DISP1: variants seen among roughly 807,000 people sequenced by gnomAD.
The protein encoded by DISP1 is dispatched RND transporter family member 1.
Under a neutral mutation model 37.3 loss-of-function variants are expected in DISP1, and 30 were observed. The observed-to-expected ratio is 0.80, with a 90% CI of 0.60 to 1.09. The LOEUF (loss-of-function observed/expected upper bound fraction) is 1.09, where lower values mean the gene tolerates loss of function less well. DISP1 is among the 50% of genes least tolerant of loss of function. The probability of loss-of-function intolerance (pLI) is 0.00; values close to 1 mark genes in which losing one functional copy is unlikely to be tolerated. For synonymous variants in DISP1, 634 were observed against 690.2 expected, an observed-to-expected ratio of 0.92 and a Z score of 1.28; for missense variants, 1,598 against 1,879.5, an observed-to-expected ratio of 0.85 and a Z score of 2.77.
chr1:222,985,238 G>A (rs775431346), intron 4 of DISP1, among the ~76,000 whole-genome samples: 1 of 152,188 alleles, frequency 6.6e-6, no homozygotes, highest in Non-Finnish European at 1.5e-5. Context: ...TTACGTACAT[G>A]TGCATATAAA....
At chr1:222,982,872 C>G (rs2926160) in intron 3 of DISP1, among the ~76,000 whole-genome samples, 1 of 152,042 alleles carries the variant, frequency 6.6e-6, no homozygotes, top group Non-Finnish European at 1.5e-5. Flanking sequence ...ACTAGCCACT[C>G]GAGCTGTCTC....
intron 1 of DISP1, among the ~76,000 whole-genome samples, chr1:222,913,743 C>CAA (rs144717372): frequency 8.3e-6 from 1 of 120,626 alleles, no homozygotes; most frequent in East Asian, 2.1e-4. Flanking sequence ...TACATCTCTA[C>CAA]AAAAAAAAGA....
intron 1 of DISP1, among the ~76,000 whole-genome samples, chr1:222,881,952 T>C (rs2125368269): frequency 6.6e-6 from 1 of 152,312 alleles, no homozygotes; most frequent in Middle Eastern, 3.4e-3. Context: ...TACCATTGCA[T>C]TGAATCGAAA....
intron 1 of DISP1, among the ~76,000 whole-genome samples, chr1:222,908,838 CTGATTAATTTTTAG>C (rs1213767362): frequency 6.6e-6 from 1 of 151,438 alleles, no homozygotes; most frequent in Non-Finnish European, 1.5e-5. Flanking sequence ...AGAAGATACC[CTGATTAATTTTTAG>C]TCTTTGACTC....
At chr1:222,974,852 T>C (rs1677200818) in intron 3 of DISP1, among the ~76,000 whole-genome samples, 2 of 152,182 alleles carry the variant, frequency 1.3e-5, no homozygotes, top group African/African-American at 2.4e-5. Context: ...TTTGTTTTTG[T>C]TGGGAATCTT....
At chr1:222,984,379 G>A (rs1678066775) in intron 4 of DISP1, among the ~76,000 whole-genome samples, 1 of 138,644 alleles carries the variant, frequency 7.2e-6, no homozygotes, top group Non-Finnish European at 1.5e-5. Flanking sequence ...ACTCAAGCCT[G>A]GGTGGCAGAG....
chr1:222,819,561 A>G (rs1474614162), intron 1 of DISP1, among the ~76,000 whole-genome samples: 2 of 131,830 alleles, frequency 1.5e-5, no homozygotes. Flanking sequence ...TTTTTTTGAC[A>G]CAGTGTCTCG....
chr1:222,875,151 C>G (rs71644715), intron 1 of DISP1, among the ~76,000 whole-genome samples: 1 of 151,894 alleles, frequency 6.6e-6, no homozygotes, highest in African/African-American at 2.4e-5. Context: ...TAGGTTGGGC[C>G]TTAAATTCAT....
chr1:222,964,231 G>A (rs1418054354), intron 3 of DISP1, among the ~76,000 whole-genome samples: 4 of 150,630 alleles, frequency 2.7e-5, no homozygotes, highest in Admixed American at 1.3e-4. Flanking sequence ...CCTGGGAGGC[G>A]GAGGTTGCAG....
intron 2 of DISP1, among the ~76,000 whole-genome samples, chr1:222,931,829 T>C (rs1177757347): frequency 6.6e-6 from 1 of 151,912 alleles, no homozygotes; most frequent in Non-Finnish European, 1.5e-5. Flanking sequence ...TCAAATTAGC[T>C]ACTTCCCAAA....
At chr1:222,827,831 A>G (rs1664796701) in intron 1 of DISP1, among the ~76,000 whole-genome samples, 1 of 152,180 alleles carries the variant, frequency 6.6e-6, no homozygotes, top group Non-Finnish European at 1.5e-5. Flanking sequence ...GAGATACTAC[A>G]TATAATTTGA....
intron 1 of DISP1, among the ~76,000 whole-genome samples, chr1:222,891,108 G>A (rs4298738): frequency 0.12 from 17,863 of 152,144 alleles, 1,389 homozygotes; most frequent in South Asian, 0.16. Flanking sequence ...GATGAAGAGA[G>A]GAGGGGGGAT....
intron 1 of DISP1, among the ~76,000 whole-genome samples, chr1:222,906,924 A>G (rs1671931296): frequency 6.6e-6 from 1 of 152,220 alleles, no homozygotes; most frequent in Admixed American, 6.5e-5. Flanking sequence ...CCCTTTGAGT[A>G]ACAAAGTAAT....
chr1:222,918,922 G>A (rs1452418243), intron 1 of DISP1, among the ~76,000 whole-genome samples: 4 of 152,216 alleles, frequency 2.6e-5, no homozygotes, highest in African/African-American at 9.6e-5. Flanking sequence ...GCTTTTGTTT[G>A]GGTTGATTTA....
intron 2 of DISP1, among the ~76,000 whole-genome samples, chr1:222,938,733 T>TA (rs33948431): frequency 0.016 from 916 of 57,620 alleles, 29 homozygotes; most frequent in Non-Finnish European, 0.02. Flanking sequence ...ACCCTGTCTT[T>TA]AAAAAAAAAA....
chr1:222,957,604 A>C (rs979060487), intron 3 of DISP1, among the ~76,000 whole-genome samples: 1 of 152,034 alleles, frequency 6.6e-6, no homozygotes, highest in African/African-American at 2.4e-5. Flanking sequence ...AAAAATAAAA[A>C]ATAAAATAAA....
intron 1 of DISP1, among the ~76,000 whole-genome samples, chr1:222,816,604 G>A (rs906015712): frequency 6.6e-6 from 1 of 152,122 alleles, no homozygotes; most frequent in African/African-American, 2.4e-5. Flanking sequence ...ATATTTATTG[G>A]TACTGCGATA....
chr1:222,926,209 G>A (rs1673075956), intron 1 of DISP1, among the ~76,000 whole-genome samples: 1 of 152,020 alleles, frequency 6.6e-6, no homozygotes, highest in Non-Finnish European at 1.5e-5. Flanking sequence ...TTCACTTAAC[G>A]CAGTGTTTTC....
At chr1:222,931,219 C>A (rs1572536056) in intron 2 of DISP1, among the ~76,000 whole-genome samples, 2 of 151,320 alleles carry the variant, frequency 1.3e-5, no homozygotes, top group African/African-American at 4.8e-5. Context: ...TTTTAAAATT[C>A]TCTCACATTC....
Sources: gnomAD v4.1 joint callset for allele counts (sites outside exome capture counted in the v4.1 genomes callset) on GRCh38, gnomAD v4.1.1 for gene constraint, MANE v1.5 for transcripts, NCBI Gene and HGNC (gene_info 2026-07-23, HGNC 2026-07-21) for gene names.